THAP12: variants seen among roughly 807,000 people sequenced by gnomAD.
THAP12 encodes the protein THAP domain containing 12, also known as 52 kDa repressor of the inhibitor of the protein kinase.
Under a neutral mutation model 63.0 loss-of-function variants are expected in THAP12, and 20 were observed. The ratio of observed to expected loss-of-function variants is 0.32; its 90% CI spans 0.22 to 0.46. THAP12 has a LOEUF of 0.46. Among genes scored for constraint, THAP12 ranks in the 20% least tolerant of loss-of-function variants. THAP12 has a pLI of 1.00. For synonymous variants in THAP12, 264 were observed against 328.4 expected (o/e 0.80, Z 2.12); for missense variants, 568 against 908.2 (o/e 0.63, Z 4.81).
intron 1 of THAP12, among the ~76,000 whole-genome samples, chr11:76,377,909 C>G (rs1269036924): frequency 6.6e-6 from 1 of 152,110 alleles, no homozygotes; most frequent in Non-Finnish European, 1.5e-5. Flanking sequence ...AGTCCTTTGC[C>G]TATTTTAAAA....
chr11:76,355,424 C>T (rs895079532), intron 4 of THAP12, among the ~76,000 whole-genome samples, 194 bp downstream of exon 4: 10 of 152,200 alleles, frequency 6.6e-5, no homozygotes, highest in Non-Finnish European at 1.2e-4. Flanking sequence ...TGTGGCATTG[C>T]AGCACTCAAT....
rs1946627465 is a variant in THAP12 at position 76,365,861 on chromosome 11, G to A, written c.201C>T (p.Ile67=). ...LCAKHFETSM[I]CRTSPYRTVL... Reference sequence around the variant, plus strand: ...CTCTTCTATTACTCACAGTTCTACAGATCATAGAGGTCTCAAAATGTTTGG... The same window carrying A: ...CTCTTCTATTACTCACAGTTCTACAAATCATAGAGGTCTCAAAATGTTTGG... The change falls in exon 2 of 5, where the codon ATC becomes ATT. Residue 67 remains isoleucine, a synonymous_variant. Transcript: ENST00000260045. 6.2e-7 allele frequency: 1 copy of A among 1,612,466 alleles called. No homozygotes were observed. The highest frequency in any genetic ancestry group is 2.2e-5 in the East Asian group (1 of 44,856).
chr11:76,355,689 C>T (rs1946556844), intron 3 of THAP12, 35 bp from the exon 4 acceptor site: 1 of 1,545,098 alleles, frequency 6.5e-7, no homozygotes. Context: ...AAAAACAAAT[C>T]ATCTTTAAAA....
intron 4 of THAP12, among the ~76,000 whole-genome samples, chr11:76,353,378 C>CAAGATCACAAAT (rs2134498497): frequency 6.6e-6 from 1 of 152,294 alleles, no homozygotes; most frequent in East Asian, 1.9e-4. Context: ...GTAACTTGCC[C>CAAGATCACAAAT]AAGATCACAA....
In THAP12 at chr11:76,352,691, T is replaced by C; in HGVS notation, c.459A>G (p.Leu153=). 6.2e-7 allele frequency: 1 copy of C among 1,613,268 alleles called. No homozygotes were observed. Among genetic ancestry groups the C allele is most frequent in the South Asian group, 1.1e-5 (1 of 90,976 alleles). ...EEGEGQDEDI[L]PLTLEEKENK... is the part of the protein sequence containing the mutation. ...TTTCCTTCTCTTCAAGGGTTAGAGG[T>C]AAAATGTCCTCATCTTGCCCTTCAC... Residue 153 remains leucine, a synonymous_variant, in exon 5 of 5, where the codon TTA becomes TTG. Transcript: ENST00000260045.
chr11:76,379,078 C>T (rs1302965762), intron 1 of THAP12, among the ~76,000 whole-genome samples: 2 of 152,070 alleles, frequency 1.3e-5, no homozygotes, highest in Admixed American at 6.5e-5. Flanking sequence ...TTTGGGAGAC[C>T]GACACAGGAG....
At chr11:76,362,922 G>A (rs560167482) in intron 2 of THAP12, among the ~76,000 whole-genome samples, 20 of 152,212 alleles carry the variant, frequency 1.3e-4, no homozygotes, top group East Asian at 1.9e-4. Flanking sequence ...CCGGGTAGAC[G>A]GCTTGACCCC....
At chr11:76,364,769 T>G (rs150685559) in intron 2 of THAP12, among the ~76,000 whole-genome samples, 1 of 152,206 alleles carries the variant, frequency 6.6e-6, no homozygotes, top group African/African-American at 2.4e-5. Flanking sequence ...CCACATTACC[T>G]GGATAATTTG....
intron 1 of THAP12, among the ~76,000 whole-genome samples, chr11:76,377,413 T>G (rs1946718654): frequency 1.3e-5 from 2 of 152,214 alleles, no homozygotes; most frequent in Admixed American, 6.5e-5. Flanking sequence ...CCACTCTCCC[T>G]TTCGCCCAGC....
intron 4 of THAP12, among the ~76,000 whole-genome samples, chr11:76,354,089 G>C (rs1432608087): frequency 2.6e-5 from 4 of 152,190 alleles, no homozygotes; most frequent in Non-Finnish European, 5.9e-5. Context: ...TAAATAAGGG[G>C]GACATGAACA....
At chr11:76,372,407 T>TAA (rs11429874) in intron 1 of THAP12, among the ~76,000 whole-genome samples, 156 of 145,808 alleles carry the variant, frequency 1.1e-3, no homozygotes, top group African/African-American at 2.0e-3. Context: ...GAATTGCTTC[T>TAA]AAAAAAAAAA....
intron 1 of THAP12, among the ~76,000 whole-genome samples, chr11:76,373,718 C>CAA (rs61579449): frequency 1.6e-3 from 225 of 142,432 alleles, no homozygotes; most frequent in African/African-American, 2.5e-3. Context: ...TAAGACCCCT[C>CAA]AAAAAAAAAA....
rs140001360 is a variant in THAP12, at chr11:76,365,394, T to A, written c.210+458A>T. Among the ~76,000 whole-genome samples the A allele has an allele frequency of 2.0e-5, 3 of 151,784 alleles. No homozygotes were observed. In the East Asian group the frequency reaches 5.8e-4, roughly 29 times the overall value. On this transcript the variant is annotated intron_variant, in intron 2 of 4. Coordinates refer to ENST00000260045, the MANE Select transcript of THAP12 (RefSeq NM_004705.4). ...TTTGTTTTGTTTTAATCATTTTGAG[T>A]TTTTTTTCCAGACAAGCGCTCACTC...
At chr11:76,359,985 A>G (rs1490578926) in intron 3 of THAP12, among the ~76,000 whole-genome samples, 1 of 152,244 alleles carries the variant, frequency 6.6e-6, no homozygotes, top group African/African-American at 2.4e-5. Flanking sequence ...GTGAAATGGA[A>G]CAGAACTCCC....
intron 1 of THAP12, among the ~76,000 whole-genome samples, chr11:76,375,802 A>C (rs1407873133): frequency 2.0e-5 from 3 of 151,910 alleles, no homozygotes; most frequent in Non-Finnish European, 4.4e-5. Context: ...TTAATTCAAT[A>C]ACACCTCTGG....
chr11:76,350,571 T>C lies in THAP12; in HGVS notation c.*293A>G, dbSNP rs1253493840. On this transcript the variant is annotated 3_prime_UTR_variant, in exon 5 of 5. Coordinates refer to ENST00000260045, the MANE Select transcript of THAP12 (RefSeq NM_004705.4). Reference sequence around the variant, plus strand: ...ACACCCAACAAGTAGAGATCCACAGTGATAATAAATGCTATGTCTAAAATG... The same window carrying C: ...ACACCCAACAAGTAGAGATCCACAGCGATAATAAATGCTATGTCTAAAATG... 4.6e-6 allele frequency: 1 copy of C among 219,034 alleles called. No individual in the cohort carries two copies. The highest frequency in any genetic ancestry group is 8.9e-6 in the Non-Finnish European group (1 of 112,542). 13.6% of individuals were successfully genotyped at this position (219,034 alleles called of 1,614,324 possible). A position where few individuals can be genotyped will look rare whatever the true frequency, so the allele number is the denominator to read the frequency against.
intron 1 of THAP12, among the ~76,000 whole-genome samples, chr11:76,370,466 G>A (rs556379472): frequency 2.0e-5 from 3 of 151,870 alleles, no homozygotes; most frequent in Admixed American, 6.6e-5. Flanking sequence ...GGGTTCAAGC[G>A]ATTCTCCCAC....
chr11:76,368,254 C>T (rs933614535), intron 1 of THAP12, among the ~76,000 whole-genome samples: 3 of 152,176 alleles, frequency 2.0e-5, no homozygotes, highest in Non-Finnish European at 4.4e-5. Flanking sequence ...ATATGAACTA[C>T]TTAAGAATAA....
intron 1 of THAP12, among the ~76,000 whole-genome samples, chr11:76,375,527 T>C (rs1245471685): frequency 4.6e-5 from 7 of 152,242 alleles, no homozygotes; most frequent in African/African-American, 1.4e-4. Context: ...TTCCACACCA[T>C]ACACTTTATT....
Sources: gnomAD v4.1 joint callset for allele counts (sites outside exome capture counted in the v4.1 genomes callset) on GRCh38, gnomAD v4.1.1 for gene constraint, MANE v1.5 for transcripts, NCBI Gene and HGNC (gene_info 2026-07-23, HGNC 2026-07-21) for gene names.